Variants in ROBO1 observed in about 807,000 individuals in gnomAD.
ROBO1 encodes the protein roundabout guidance receptor 1.
Under a neutral mutation model 195.9 loss-of-function variants are expected in ROBO1, and 149 were observed. The ratio of observed to expected loss-of-function variants is 0.76; its 90% CI spans 0.67 to 0.87. ROBO1 has a LOEUF of 0.87. Among genes scored for constraint, ROBO1 ranks in the 40% least tolerant of loss-of-function variants. ROBO1 has a pLI of 0.00. For synonymous variants in ROBO1, 816 were observed against 733.2 expected, an observed-to-expected ratio of 1.11 and a Z score of -1.82; for missense variants, 1,933 against 2,068.3, an observed-to-expected ratio of 0.93 and a Z score of 1.27.
At chr3:79,573,319 G>A (rs1218695742) in intron 2 of ROBO1, among the ~76,000 whole-genome samples, 1 of 151,964 alleles carries the variant, frequency 6.6e-6, no homozygotes, top group Non-Finnish European at 1.5e-5. Context: ...CTCAAGTTCT[G>A]GGATGACAAA....
At chr3:79,049,155 G>T (rs943261422) in intron 3 of ROBO1, among the ~76,000 whole-genome samples, 2 of 152,050 alleles carry the variant, frequency 1.3e-5, no homozygotes, top group African/African-American at 4.8e-5. Context: ...TCTTGAAAAA[G>T]GTTAGATGAA....
intron 4 of ROBO1, among the ~76,000 whole-genome samples, chr3:78,766,001 C>G (rs2083220520): frequency 6.6e-6 from 1 of 152,130 alleles, no homozygotes; most frequent in Non-Finnish European, 1.5e-5. Context: ...TATTTACATT[C>G]ATAACTCATT....
intron 3 of ROBO1, among the ~76,000 whole-genome samples, chr3:78,949,482 C>A (rs1438003919): frequency 6.6e-6 from 1 of 151,980 alleles, no homozygotes; most frequent in African/African-American, 2.4e-5. Context: ...AACTGGATCC[C>A]TTCCTTACAT....
At chr3:79,160,156 A>T (rs1015397182) in intron 2 of ROBO1, among the ~76,000 whole-genome samples, 1 of 151,954 alleles carries the variant, frequency 6.6e-6, no homozygotes, top group Non-Finnish European at 1.5e-5. Context: ...ATTTAACGCT[A>T]TTGTAAATTA....
At chr3:79,593,138 G>A (rs1178236429) in intron 1 of ROBO1, among the ~76,000 whole-genome samples, 1 of 151,918 alleles carries the variant, frequency 6.6e-6, no homozygotes, top group African/African-American at 2.4e-5. Flanking sequence ...ATGTACCACG[G>A]TTTATTTATC....
intron 2 of ROBO1, among the ~76,000 whole-genome samples, chr3:79,374,267 C>G (rs1182970166): frequency 1.3e-5 from 2 of 151,998 alleles, no homozygotes; most frequent in Non-Finnish European, 2.9e-5. Context: ...AAATGAATAT[C>G]TAGTTAAAAT....
intron 2 of ROBO1, among the ~76,000 whole-genome samples, chr3:79,137,621 C>T (rs529635879): frequency 2.0e-5 from 3 of 152,100 alleles, no homozygotes; most frequent in South Asian, 2.1e-4. Flanking sequence ...TATCATGATC[C>T]TAGCCATCAT....
chr3:79,218,030 T>C (rs1442597603), intron 2 of ROBO1, among the ~76,000 whole-genome samples: 2 of 151,864 alleles, frequency 1.3e-5, no homozygotes, highest in African/African-American at 2.4e-5. Flanking sequence ...GGAAATCTTA[T>C]ATTTTAGAAG....
rs544856990 is a variant in ROBO1, at chr3:78,657,204, G to A, written c.2508C>T (p.Ser836=). 9.7e-5 allele frequency: 157 copies of A among 1,613,442 alleles called. No individual in the cohort carries two copies. The South Asian group carries it at 1.5e-3, about 15-fold the overall frequency. ...CAGGAACAAGAAAGGGAATGACCAC[G>A]GAAAAGGTGGAACCATCCACTGTTT... ...INKTVDGSTF[S]VVIPFLVPGI... is the part of the protein sequence containing the mutation. The change falls in exon 18 of 31, where the codon TCC becomes TCT. Residue 836 remains serine, a synonymous_variant. Transcript: ENST00000464233.
At chr3:79,537,105 C>CT (rs1250507499) in intron 2 of ROBO1, among the ~76,000 whole-genome samples, 5 of 136,420 alleles carry the variant, frequency 3.7e-5, no homozygotes, top group Non-Finnish European at 4.5e-5. Flanking sequence ...TTCTTTTTTC[C>CT]TTTTTTTATT....
At chr3:79,083,018 T>C (rs975130548) in intron 3 of ROBO1, among the ~76,000 whole-genome samples, 6 of 152,142 alleles carry the variant, frequency 3.9e-5, no homozygotes, top group Non-Finnish European at 8.8e-5. Context: ...TAGTTTACTC[T>C]GAGTGACTAA....
At chr3:79,251,248 C>A (rs2082723549) in intron 2 of ROBO1, among the ~76,000 whole-genome samples, 1 of 152,028 alleles carries the variant, frequency 6.6e-6, no homozygotes, top group Non-Finnish European at 1.5e-5. Context: ...ACATTATTAT[C>A]TTCAGAGGGG....
chr3:79,651,821 T>C (rs1946018237), intron 1 of ROBO1, among the ~76,000 whole-genome samples: 1 of 152,178 alleles, frequency 6.6e-6, no homozygotes, highest in African/African-American at 2.4e-5. Flanking sequence ...AAAAATCTAT[T>C]AAGTGTCAAA....
intron 2 of ROBO1, among the ~76,000 whole-genome samples, chr3:79,517,683 A>G (rs547096627): frequency 1.3e-5 from 2 of 152,308 alleles, no homozygotes; most frequent in Admixed American, 1.3e-4. Flanking sequence ...GAGGCAAGAG[A>G]CTGAAAATAT....
chr3:79,304,828 G>A (rs2033145538), intron 2 of ROBO1, among the ~76,000 whole-genome samples: 1 of 152,026 alleles, frequency 6.6e-6, no homozygotes, highest in Non-Finnish European at 1.5e-5. Context: ...ACATTTCTGT[G>A]TACATTTGTA....
At position 78,617,718 on chromosome 3, in the gene ROBO1, T is replaced by C; in HGVS notation, c.4199A>G (p.Asp1400Gly). The C allele has an allele frequency of 6.2e-7, 1 of 1,613,954 alleles. No homozygotes were observed. Among genetic ancestry groups the C allele is most frequent in the Non-Finnish European group, 8.5e-7 (1 of 1,179,870 alleles). ...VSSSDGSFFT[D>G]ADFAQAVAAA... is the part of the protein sequence containing the mutation. ...TGCGACTGCCTGGGCAAAGTCAGCA[T>C]CAGTGAAAAAGGAGCCGTCCGAAGA... The change falls in exon 27 of 31, where the codon GAT becomes GGT. Residue 1400 changes from aspartate (D) to glycine (G), a missense_variant. Around this residue, in one of 3 missense-constraint regions of ROBO1, gnomAD observed 1,737 missense variants for 1,882.5 expected, o/e 0.92. Coordinates refer to ENST00000464233, the MANE Select transcript of ROBO1 (RefSeq NM_002941.4).
intron 3 of ROBO1, among the ~76,000 whole-genome samples, chr3:79,124,493 T>C (rs2080178687): frequency 6.6e-6 from 1 of 152,170 alleles, no homozygotes; most frequent in South Asian, 2.1e-4. Flanking sequence ...TATTGAATTA[T>C]GTTTTTCTTT....
chr3:79,261,011 T>C (rs934328753), intron 2 of ROBO1, among the ~76,000 whole-genome samples: 37 of 152,066 alleles, frequency 2.4e-4, no homozygotes, highest in African/African-American at 8.7e-4. Context: ...GTACATCCTA[T>C]CCACTGAAGT....
chr3:78,842,573 T>A (rs331136), intron 4 of ROBO1, among the ~76,000 whole-genome samples: 2 of 104,750 alleles, frequency 1.9e-5, no homozygotes, highest in African/African-American at 7.0e-5. Flanking sequence ...TATGAGCCAT[T>A]TATATATTTA....
Sources: gnomAD v4.1 joint callset for allele counts (sites outside exome capture counted in the v4.1 genomes callset) on GRCh38, gnomAD v4.1.1 for gene constraint, gnomAD v4.1.1 regional missense constraint, MANE v1.5 for transcripts, NCBI Gene and HGNC (gene_info 2026-07-23, HGNC 2026-07-21) for gene names.